The following RIMS3 variants were observed in gnomAD, a reference collection of about 807,000 sequenced individuals.
RIMS3 encodes the protein regulating synaptic membrane exocytosis 3, also known as regulating synaptic membrane exocytosis protein 3.
In RIMS3, 15 loss-of-function variants were observed where a neutral mutation model predicts 29.2. The observed-to-expected ratio is 0.51, with a 90% CI of 0.34 to 0.79. The LOEUF (loss-of-function observed/expected upper bound fraction) is 0.79, where lower values mean the gene tolerates loss of function less well. Among genes scored for constraint, RIMS3 ranks in the 30% least tolerant of loss-of-function variants. The pLI is 0.01. For missense variants in RIMS3, 342 were observed against 421.4 expected (o/e 0.81, Z 1.65); for synonymous variants, 161 against 170.1 (o/e 0.95, Z 0.41).
chr1:40,686,240 T>C, the RIMS3 span, among the ~76,000 whole-genome samples: 9 of 152,138 alleles, frequency 5.9e-5, no homozygotes, highest in African/African-American at 2.2e-4. Context: ...CAGCTTACAA[T>C]GTGCCACTTG....
At chr1:40,651,983 C>T (rs1215365862) in intron 1 of RIMS3, among the ~76,000 whole-genome samples, 2 of 152,140 alleles carry the variant, frequency 1.3e-5, no homozygotes, top group African/African-American at 4.8e-5. Context: ...TTGATTCCTC[C>T]TCGTGTCACT....
chr1:40,652,111 C>T (rs760893520), intron 1 of RIMS3, among the ~76,000 whole-genome samples: 1 of 152,144 alleles, frequency 6.6e-6, no homozygotes, highest in African/African-American at 2.4e-5. Flanking sequence ...CTCCACCATT[C>T]GCCTCTCCCT....
intron 3 of RIMS3, among the ~76,000 whole-genome samples, chr1:40,640,259 A>G (rs1428772542): frequency 6.6e-6 from 1 of 151,810 alleles, no homozygotes; most frequent in Admixed American, 6.6e-5. Flanking sequence ...CTAAGTCCCC[A>G]TCTCCCTGAC....
chr1:40,643,148 T>G (rs1646570790), intron 2 of RIMS3, among the ~76,000 whole-genome samples: 1 of 152,086 alleles, frequency 6.6e-6, no homozygotes, highest in African/African-American at 2.4e-5. Context: ...ATTTATTTAT[T>G]TATTTTTTTG....
At chr1:40,629,905 T>C (rs541296915) in intron 5 of RIMS3, among the ~76,000 whole-genome samples, 55 of 151,806 alleles carry the variant, frequency 3.6e-4, no homozygotes, top group Non-Finnish European at 6.3e-4. Context: ...TGAAACCCCA[T>C]CTCTACTAAA....
chr1:40,650,589 G>A (rs12032282), intron 1 of RIMS3, among the ~76,000 whole-genome samples: 35,747 of 151,762 alleles, frequency 0.24, 4,400 homozygotes, highest in African/African-American at 0.29. Context: ...TGGGCCGGGC[G>A]TGGGGCTCAT....
At position 40,657,000 on chromosome 1, in the gene RIMS3, G is replaced by C. The variant is rs779133760; in HGVS notation, c.-207+8394C>G. Among the ~76,000 whole-genome samples, 31 of 152,192 alleles carry C rather than the reference G, an allele frequency of 2.0e-4. 1 individual carries two copies. Among genetic ancestry groups the C allele is most frequent in the Admixed American group, 1.3e-3 (20 of 15,288 alleles). ...GGAGTTCGGGCACAGTGCCCCGCTA[G>C]TGCCCTGTTGCTACAGCCTATTCTG... is the stretch of plus-strand genomic sequence containing the variant. On this transcript the variant is annotated intron_variant, in intron 1 of 7. Coordinates refer to ENST00000372684, the MANE Select transcript of RIMS3 (RefSeq NM_014747.3).
At chr1:40,659,629 C>T (rs980761811) in intron 1 of RIMS3, among the ~76,000 whole-genome samples, 1 of 152,130 alleles carries the variant, frequency 6.6e-6, no homozygotes, top group African/African-American at 2.4e-5. Flanking sequence ...GAGGGAAAAG[C>T]GATTTGAGTG....
At position 40,625,968 on chromosome 1, in the gene RIMS3, A is replaced by G. The variant is rs1228324679; in HGVS notation, c.*549T>C. On this transcript the variant is annotated 3_prime_UTR_variant, in exon 8 of 8. Coordinates refer to ENST00000372684, the MANE Select transcript of RIMS3 (RefSeq NM_014747.3). ...GCGGCTCCAGTGGGGTGGGGTTCCCAGAGGGCCCTCAGTGTGGCCAGCTGC... is the reference window on the plus strand; with the variant it reads ...GCGGCTCCAGTGGGGTGGGGTTCCCGGAGGGCCCTCAGTGTGGCCAGCTGC... 1 of 170,272 alleles carries G rather than the reference A, an allele frequency of 5.9e-6. No homozygotes were observed. Among genetic ancestry groups the G allele is most frequent in the East Asian group, 1.6e-4 (1 of 6,290 alleles). The allele number at this position is 170,272 out of a possible 1,614,324, so 10.5% of individuals were successfully genotyped here.
chr1:40,622,526 C>CT lies in RIMS3; in HGVS notation c.*3990dup, dbSNP rs1403258722. Reference sequence around the variant, plus strand: ...TGTCAGGATACTGGAGAAGAAAACTCTGAGGAGTGGAAGAGAAAGGTAGGA... The same window carrying CT: ...TGTCAGGATACTGGAGAAGAAAACTCTTGAGGAGTGGAAGAGAAAGGTAGGA... On this transcript the variant is annotated 3_prime_UTR_variant, in exon 8 of 8. Coordinates refer to ENST00000372684, the MANE Select transcript of RIMS3 (RefSeq NM_014747.3). The CT allele has an allele frequency of 3.3e-5, 5 of 152,306 alleles. No individual in the cohort carries two copies. The highest frequency in any genetic ancestry group is 9.6e-5 in the African/African-American group (4 of 41,454). 9.4% of individuals were successfully genotyped at this position (152,306 alleles called of 1,614,324 possible).
rs1487240753 is a variant in RIMS3, at chr1:40,654,649, A to T, written c.-206-6807T>A. Among the ~76,000 whole-genome samples, 1 of 151,472 alleles carries T rather than the reference A, an allele frequency of 6.6e-6. No individual in the cohort carries two copies. Among genetic ancestry groups the T allele is most frequent in the Non-Finnish European group, 1.5e-5 (1 of 67,894 alleles). On this transcript the variant is annotated intron_variant, in intron 1 of 7. Coordinates refer to ENST00000372684, the MANE Select transcript of RIMS3 (RefSeq NM_014747.3). The surrounding 1 kb of genome is among the most constrained non-coding windows in gnomAD (Gnocchi z 5.3). ...CACACATCACACAGACCCACAACACACCCTGCCACACACACACAAACTCGC... is the reference window on the plus strand; with the variant it reads ...CACACATCACACAGACCCACAACACTCCCTGCCACACACACACAAACTCGC...
At chr1:40,677,574 CGT>C in the RIMS3 span, among the ~76,000 whole-genome samples, 3 of 151,668 alleles carry the variant, frequency 2.0e-5, no homozygotes, top group Non-Finnish European at 4.4e-5. Context: ...GGCGGGCGCC[CGT>C]AGTCCCAGCT....
intron 4 of RIMS3, among the ~76,000 whole-genome samples, chr1:40,634,060 T>C (rs2148346429): frequency 6.6e-6 from 1 of 152,278 alleles, no homozygotes; most frequent in East Asian, 1.9e-4. Context: ...CTAGATATTC[T>C]GGGTGTGGCC....
In RIMS3 at chr1:40,657,331, G is replaced by A. The variant is rs1224207337; in HGVS notation, c.-207+8063C>T. Among the ~76,000 whole-genome samples, 14 of 152,280 alleles carry A rather than the reference G, an allele frequency of 9.2e-5. No individual in the cohort carries two copies. The East Asian group carries it at 1.5e-3, about 17-fold the overall frequency. ...CAGGATGGTAACCTGCTATCTGCCC[G>A]TGAGACCTTCACAATCCCAAACAGC... On this transcript the variant is annotated intron_variant, in intron 1 of 7. Coordinates refer to ENST00000372684, the MANE Select transcript of RIMS3 (RefSeq NM_014747.3).
intron 2 of RIMS3, among the ~76,000 whole-genome samples, chr1:40,642,308 T>C (rs962599980): frequency 6.6e-6 from 1 of 152,170 alleles, no homozygotes; most frequent in African/African-American, 2.4e-5. Context: ...CTCAGCAAGA[T>C]GTGAAATAAA....
At chr1:40,691,243 A>G in the RIMS3 span, 4 of 156,416 alleles carry the variant, frequency 2.6e-5, no homozygotes, top group South Asian at 5.9e-4. Flanking sequence ...GTTTGGTGCT[A>G]AATGCTCTTT....
chr1:40,643,621 C>T (rs895592309), intron 2 of RIMS3, among the ~76,000 whole-genome samples: 17 of 151,868 alleles, frequency 1.1e-4, no homozygotes, highest in Admixed American at 9.8e-4. Flanking sequence ...GGATTACAGG[C>T]GTGCGCCACC....
chr1:40,649,596 G>A (rs987657624), intron 1 of RIMS3, among the ~76,000 whole-genome samples: 1 of 152,230 alleles, frequency 6.6e-6, no homozygotes, highest in African/African-American at 2.4e-5. Flanking sequence ...GTGTGTGCAA[G>A]CTTGAACACA....
the RIMS3 span, among the ~76,000 whole-genome samples, chr1:40,680,652 T>C: frequency 6.6e-6 from 1 of 152,116 alleles, no homozygotes. Flanking sequence ...TTTTACACTG[T>C]AGCCAGTACA....
Sources: allele counts gnomAD v4.1 joint callset (sites outside exome capture counted in the v4.1 genomes callset), GRCh38; gene constraint gnomAD v4.1.1; non-coding constraint Gnocchi (gnomAD v3.1); transcripts MANE v1.5; gene names NCBI Gene and HGNC (gene_info 2026-07-23, HGNC 2026-07-21).